The following SEZ6 variants were observed in gnomAD, a reference collection of about 807,000 sequenced individuals.
SEZ6 encodes seizure related 6 homolog, also known as seizure protein 6 homolog.
A neutral mutation model predicts 101.0 loss-of-function variants in SEZ6; 53 were observed. The observed-to-expected ratio is 0.52, with a 90% CI of 0.42 to 0.66. The LOEUF (loss-of-function observed/expected upper bound fraction) is 0.66. Among genes scored for constraint, SEZ6 ranks in the 30% least tolerant of loss-of-function variants. SEZ6 has a pLI of 0.00. For synonymous variants in SEZ6, 488 were observed against 512.2 expected, an observed-to-expected ratio of 0.95 and a Z score of 0.64; for missense variants, 1,102 against 1,289.4, an observed-to-expected ratio of 0.85 and a Z score of 2.23.
Position 28,959,429 on chromosome 17 carries a change from G to C in SEZ6, c.1815C>G (p.Leu605=). ...GEITDSAGVV[L]SPNWPEPYGR... is the part of the protein sequence containing the mutation. ...CGTAGGGCTCTGGCCAGTTGGGAGA[G>C]AGTACCACGCCAGCCGAGTCTGTGA... The change falls in exon 9 of 17, where the codon CTC becomes CTG. Residue 605 remains leucine, a synonymous_variant. Transcript: ENST00000317338. This position sits in a 1 kb window ranked among gnomAD's most constrained non-coding sequence, Gnocchi z 4.4. 6.2e-7 allele frequency: 1 copy of C among 1,613,796 alleles called. No individual in the cohort carries two copies. The highest frequency in any genetic ancestry group is 1.1e-5 in the South Asian group (1 of 91,080).
intron 1 of SEZ6, among the ~76,000 whole-genome samples, chr17:29,002,145 C>T (rs2041623337): frequency 1.3e-5 from 2 of 150,344 alleles, no homozygotes; most frequent in South Asian, 4.2e-4. Flanking sequence ...TGAGCCATGA[C>T]AGCTCTGCCC....
intron 4 of SEZ6, among the ~76,000 whole-genome samples, chr17:28,965,339 C>T (rs1016665324): frequency 2.6e-5 from 4 of 151,304 alleles, no homozygotes; most frequent in Non-Finnish European, 4.4e-5. Context: ...GGGACGAGAG[C>T]GAGACTTCAT....
At chr17:28,978,565 T>C (rs1222920569) in intron 3 of SEZ6, among the ~76,000 whole-genome samples, 1 of 152,232 alleles carries the variant, frequency 6.6e-6, no homozygotes, top group African/African-American at 2.4e-5. Flanking sequence ...GGGACCAGCA[T>C]GTGCAGCTGG....
chr17:28,987,956 A>G (rs921935691), intron 1 of SEZ6, among the ~76,000 whole-genome samples: 2 of 152,036 alleles, frequency 1.3e-5, no homozygotes, highest in South Asian at 2.1e-4. Flanking sequence ...GGGGCCTCCT[A>G]TCTCCCCACC....
chr17:28,960,287 G>A (rs2040954907), intron 7 of SEZ6: 2 of 647,058 alleles, frequency 3.1e-6, no homozygotes, highest in Non-Finnish European at 5.3e-6. Context: ...GGACCATAGG[G>A]CCTGGGTCCA....
intron 4 of SEZ6, 119 bp from the exon 5 acceptor site, chr17:28,964,266 G>T (rs2041029620): frequency 1.9e-6 from 2 of 1,056,342 alleles, no homozygotes; most frequent in African/African-American, 1.6e-5. Flanking sequence ...GCCAGAGGAA[G>T]CACTAGGAGT....
chr17:29,004,746 G>A (rs1043737014), intron 1 of SEZ6, among the ~76,000 whole-genome samples: 2 of 152,118 alleles, frequency 1.3e-5, no homozygotes, highest in Admixed American at 1.3e-4. Flanking sequence ...CGGTTCTGCC[G>A]ACCCTACCAG....
rs115801123 is a variant in SEZ6 at position 29,003,047 on chromosome 17, C to T, written c.55+2768G>A. Among the ~76,000 whole-genome samples, 567 of 152,280 alleles carry T rather than the reference C, an allele frequency of 3.7e-3. 1 individual carries two copies. The highest frequency in any genetic ancestry group is 0.013 in the African/African-American group (539 of 41,550). Reference sequence around the variant, plus strand: ...TGGAGGCAGCCTCCATTCCTGAGACCCAACCTTACCCCAGTCTCAGCGGCT... The same window carrying T: ...TGGAGGCAGCCTCCATTCCTGAGACTCAACCTTACCCCAGTCTCAGCGGCT... On this transcript the variant is annotated intron_variant, in intron 1 of 16. Transcript: ENST00000317338.
intron 4 of SEZ6, among the ~76,000 whole-genome samples, chr17:28,969,342 A>G (rs1291212074): frequency 6.6e-6 from 1 of 152,100 alleles, no homozygotes; most frequent in African/African-American, 2.4e-5. Flanking sequence ...GAGGGCTTCT[A>G]TTGTTATTGC....
intron 1 of SEZ6, among the ~76,000 whole-genome samples, chr17:28,986,265 G>A (rs2041382115): frequency 6.6e-6 from 1 of 152,200 alleles, no homozygotes; most frequent in Admixed American, 6.5e-5. Context: ...GCGCCGCCCC[G>A]CTATGGCCCC....
At chr17:29,000,280 T>C (rs556788207) in intron 1 of SEZ6, among the ~76,000 whole-genome samples, 2 of 152,322 alleles carry the variant, frequency 1.3e-5, no homozygotes, top group South Asian at 2.1e-4. Context: ...TTTTGTGAAA[T>C]GGGCAGACAC....
chr17:28,957,610 G>T, intron 11 of SEZ6, 71 bp from the exon 12 acceptor site: 1 of 1,497,112 alleles, frequency 6.7e-7, no homozygotes, highest in Non-Finnish European at 9.0e-7. Flanking sequence ...CCCTGGCTTT[G>T]TTCCAGGCCA....
At chr17:28,981,260 C>T in intron 2 of SEZ6, 111 bp downstream of exon 2, 1 of 1,445,400 alleles carries the variant, frequency 6.9e-7, no homozygotes, top group Non-Finnish European at 9.1e-7. Flanking sequence ...CAGGCTGGCC[C>T]TTGGTGCCAA....
At chr17:28,956,530 A>G in intron 14 of SEZ6, 63 bp from the exon 15 acceptor site, 1 of 1,513,942 alleles carries the variant, frequency 6.6e-7, no homozygotes, top group Non-Finnish European at 8.9e-7. Context: ...ATATTCTCTC[A>G]CCTCTGCCCA....
At chr17:28,993,159 G>C (rs1178415990) in intron 1 of SEZ6, among the ~76,000 whole-genome samples, 1 of 152,066 alleles carries the variant, frequency 6.6e-6, no homozygotes, top group African/African-American at 2.4e-5. Flanking sequence ...TCAATCTGCT[G>C]TACCTCACCC....
intron 5 of SEZ6, among the ~76,000 whole-genome samples, chr17:28,961,221 C>T (rs924503015): frequency 2.0e-5 from 3 of 152,146 alleles, no homozygotes; most frequent in Admixed American, 6.5e-5. Context: ...CAGGGTAACT[C>T]TCTTGACTGT....
rs997017704 is a variant in SEZ6, at chr17:28,981,330, C to T, written c.724+41G>A. 2.6e-6 allele frequency: 4 copies of T among 1,514,246 alleles called. No homozygotes were observed. The African/African-American group carries it at 5.5e-5, about 21-fold the overall frequency. 93.8% of individuals were successfully genotyped at this position (1,514,246 alleles called of 1,614,324 possible). On this transcript the variant is annotated intron_variant, in intron 2 of 16. Transcript: ENST00000317338. ...GCTTTTAGGGGCCCCGCAGCCTCCC[C>T]CATCCCCATTTCCACATCTGCAAGC...
chr17:28,960,488 G>A lies in SEZ6; in HGVS notation c.1576+17C>T, dbSNP rs1284138370. On this transcript the variant is annotated intron_variant, in intron 7 of 16. Coordinates refer to ENST00000317338, the MANE Select transcript of SEZ6 (RefSeq NM_178860.5). ...CCCGTGGACCCGCCACCCCCAGTGA[G>A]GCCCCAGCAGGCTCACCCTCATAGC... 2 of 1,581,234 alleles carry A rather than the reference G, an allele frequency of 1.3e-6. No homozygotes were observed. The highest frequency in any genetic ancestry group is 1.4e-5 in the African/African-American group (1 of 74,058).
At position 28,979,772 on chromosome 17, in the gene SEZ6, C is replaced by A; in HGVS notation, c.766G>T (p.Asp256Tyr). 1 of 1,613,024 alleles carries A rather than the reference C, an allele frequency of 6.2e-7. No homozygotes were observed. Residue 256 changes from aspartate to tyrosine, a missense_variant, in exon 3 of 17, where the codon GAC (aspartate) becomes TAC (tyrosine). This residue lies in a region of SEZ6 where 406 missense variants were observed against 418.6 expected (regional missense o/e 0.97). Transcript: ENST00000317338. ...GGGGAGCTGAGGTCTGTAGGGGAGT[C>A]CAGAGAGCCCTCTGGGCCTGAGAAA... ...WNFSGPEGSL[D>Y]SPTDLSSPTD...
Sources: gnomAD v4.1 joint callset for allele counts (sites outside exome capture counted in the v4.1 genomes callset) on GRCh38, gnomAD v4.1.1 for gene constraint, gnomAD v4.1.1 regional missense constraint, Gnocchi (gnomAD v3.1) non-coding constraint, MANE v1.5 for transcripts, NCBI Gene and HGNC (gene_info 2026-07-23, HGNC 2026-07-21) for gene names.